Variants in APH1B observed in about 807,000 individuals in gnomAD.
The protein encoded by APH1B is aph-1B gamma-secretase subunit.
A neutral mutation model predicts 28.2 loss-of-function variants in APH1B; 27 were observed. That is an observed-to-expected ratio of 0.96 (90% CI 0.70 to 1.32). The LOEUF (loss-of-function observed/expected upper bound fraction) is 1.32. Among genes scored for constraint, APH1B ranks in the 40% most tolerant of loss-of-function variants. The probability of loss-of-function intolerance (pLI) is 0.00; values close to 1 mark genes in which losing one functional copy is unlikely to be tolerated. For missense variants in APH1B, 305 were observed against 313.6 expected, an observed-to-expected ratio of 0.97 and a Z score of 0.21; for synonymous variants, 141 against 124.6, an observed-to-expected ratio of 1.13 and a Z score of -0.88.
chr15:63,298,054 C>T (rs1177290210), intron 4 of APH1B, among the ~76,000 whole-genome samples: 1 of 152,178 alleles, frequency 6.6e-6, no homozygotes. Flanking sequence ...GTAATAGTCC[C>T]AGTGGCTAGA....
At chr15:63,296,095 A>G (rs2038564082) in intron 4 of APH1B, among the ~76,000 whole-genome samples, 1 of 152,238 alleles carries the variant, frequency 6.6e-6, no homozygotes, top group Admixed American at 6.5e-5. Context: ...TAAAACAAAA[A>G]TGTTAAGTTA....
Position 63,302,461 on chromosome 15 carries a change from G to C in APH1B, c.595G>C (p.Val199Leu). The C allele has an allele frequency of 6.2e-7, 1 of 1,613,572 alleles. No individual in the cohort carries two copies. The change falls in exon 5 of 6, where the codon GTG becomes CTG. Residue 199 changes from valine to leucine, a missense_variant. Val to Leu is a conservative substitution (Grantham distance 32). Transcript: ENST00000261879. Reference sequence around the variant, plus strand: ...TATCGTTCTCCTGACCCACCTGCTGGTGTCAGCCCAGGTGAGTGTTGCCGC... The same window carrying C: ...TATCGTTCTCCTGACCCACCTGCTGCTGTCAGCCCAGGTGAGTGTTGCCGC... ...LLIVLLTHLL[V>L]SAQTFISSYY...
Position 63,302,469 on chromosome 15 carries a change from C to G in APH1B, c.603C>G (p.Ala201=). 6.2e-7 allele frequency: 1 copy of G among 1,613,008 alleles called. No individual in the cohort carries two copies. Among genetic ancestry groups the G allele is most frequent in the Non-Finnish European group, 8.5e-7 (1 of 1,179,536 alleles). The part of the protein sequence containing the change: ...IVLLTHLLVS[A]QTFISSYYGI... Reference sequence around the variant, plus strand: ...TCCTGACCCACCTGCTGGTGTCAGCCCAGGTGAGTGTTGCCGCCATGCTCA... The same window carrying G: ...TCCTGACCCACCTGCTGGTGTCAGCGCAGGTGAGTGTTGCCGCCATGCTCA... Residue 201 remains alanine (A), a synonymous_variant, in exon 5 of 6, where the codon GCC becomes GCG. Coordinates refer to ENST00000261879, the MANE Select transcript of APH1B (RefSeq NM_031301.4).
At chr15:63,281,551 A>C (rs1011106248) in intron 2 of APH1B, among the ~76,000 whole-genome samples, 13 of 144,942 alleles carry the variant, frequency 9.0e-5, no homozygotes, top group African/African-American at 1.8e-4. Context: ...AAAAAAAAAA[A>C]CAAAAAAAAA....
intron 1 of APH1B, 137 bp downstream of exon 1, chr15:63,277,873 C>A: frequency 1.2e-6 from 1 of 847,500 alleles, no homozygotes; most frequent in Non-Finnish European, 1.8e-6. Flanking sequence ...AGGGGGAGAG[C>A]GGAGATCCGG....
intron 4 of APH1B, among the ~76,000 whole-genome samples, chr15:63,299,342 T>C (rs7179115): frequency 0.045 from 6,909 of 152,264 alleles, 509 homozygotes; most frequent in African/African-American, 0.16. Context: ...CTCACAGTAA[T>C]GCTCTTTTGG....
chr15:63,287,185 T>G, intron 3 of APH1B: 1 of 427,618 alleles, frequency 2.3e-6, no homozygotes, highest in Non-Finnish European at 4.2e-6. Context: ...TCTAGACCCT[T>G]TTCTCCCCTT....
chr15:63,298,453 C>T (rs765809096), intron 4 of APH1B, among the ~76,000 whole-genome samples: 33 of 152,254 alleles, frequency 2.2e-4, no homozygotes, highest in Admixed American at 9.2e-4. Context: ...TCAAGTGGTC[C>T]ACCCACCTCA....
intron 5 of APH1B, among the ~76,000 whole-genome samples, 159 bp from the exon 6 acceptor site, chr15:63,305,455 C>T (rs997234916): frequency 6.6e-6 from 1 of 152,212 alleles, no homozygotes; most frequent in African/African-American, 2.4e-5. Context: ...CAGCTTAGTT[C>T]TACATGCCTC....
Position 63,302,496 on chromosome 15 carries a change from A to T in APH1B, c.606+24A>T, listed in dbSNP as rs752744073. 8.7e-6 allele frequency: 14 copies of T among 1,608,030 alleles called. No homozygotes were observed. In the South Asian group the frequency reaches 1.1e-4, roughly 13 times the overall value. On this transcript the variant is annotated intron_variant, in intron 5 of 5. Coordinates refer to ENST00000261879, the MANE Select transcript of APH1B (RefSeq NM_031301.4). ...AGGTGAGTGTTGCCGCCATGCTCAG[A>T]CTGTATTCTGGAACTCAAGTCTATG...
chr15:63,287,517 G>A lies in APH1B; in HGVS notation c.449G>A (p.Gly150Glu), dbSNP rs2038460561. The A allele has an allele frequency of 1.2e-6, 2 of 1,613,928 alleles. No individual in the cohort carries two copies. The highest frequency in any genetic ancestry group is 1.7e-6 in the Non-Finnish European group (2 of 1,179,838). The part of the protein sequence containing the change: ...SLGPGTVGIH[G>E]DSPQFFLYSA... ...GGGCCAGGCACAGTGGGCATTCATG[G>A]AGATTCTCCTCAATTCTTCCTTTAT... Residue 150 changes from glycine (G) to glutamate (E), a missense_variant, in exon 4 of 6, where the codon GGA (glycine) becomes GAA (glutamate). Physicochemically the swap from Gly to Glu is moderately conservative, Grantham distance 98 (BLOSUM62 -2). Transcript: ENST00000261879.
At position 63,305,990 on chromosome 15, in the gene APH1B, A is replaced by T. The variant is rs2038684294; in HGVS notation, c.*209A>T. On this transcript the variant is annotated 3_prime_UTR_variant, in exon 6 of 6. Coordinates refer to ENST00000261879, the MANE Select transcript of APH1B (RefSeq NM_031301.4). ...CCTGGCTGCACGAGAATCACCTGGG[A>T]CAGTGTAAAGCCGACTGATTCTGGG... 5 of 616,046 alleles carry T rather than the reference A, an allele frequency of 8.1e-6. No individual in the cohort carries two copies. Among genetic ancestry groups the T allele is most frequent in the Middle Eastern group, 4.7e-4 (1 of 2,148 alleles). 38.2% of individuals were successfully genotyped at this position (616,046 alleles called of 1,614,324 possible).
chr15:63,306,004 A>T lies in APH1B; in HGVS notation c.*223A>T. The T allele has an allele frequency of 1.9e-6, 1 of 520,838 alleles. No homozygotes were observed. The highest frequency in any genetic ancestry group is 2.4e-5 in the South Asian group (1 of 41,564). The allele number at this position is 520,838 out of a possible 1,614,324, so 32.3% of individuals were successfully genotyped here. A position where few individuals can be genotyped will look rare whatever the true frequency, so the allele number is the denominator to read the frequency against. On this transcript the variant is annotated 3_prime_UTR_variant, in exon 6 of 6. Coordinates refer to ENST00000261879, the MANE Select transcript of APH1B (RefSeq NM_031301.4). ...AATCACCTGGGACAGTGTAAAGCCG[A>T]CTGATTCTGGGCTCCACCTTCCAGA...
chr15:63,281,547 A>C (rs865927440), intron 2 of APH1B, among the ~76,000 whole-genome samples: 10 of 151,930 alleles, frequency 6.6e-5, no homozygotes, highest in South Asian at 2.1e-4. Flanking sequence ...AAAAAAAAAA[A>C]AAAACAAAAA....
chr15:63,299,150 G>A (rs2038598232), intron 4 of APH1B, among the ~76,000 whole-genome samples: 1 of 152,142 alleles, frequency 6.6e-6, no homozygotes, highest in Non-Finnish European at 1.5e-5. Context: ...TAGAGAACAT[G>A]GTGTCAAGGT....
rs1484075074 is a variant in APH1B at position 63,307,790 on chromosome 15, G to A, written c.*2009G>A. On this transcript the variant is annotated 3_prime_UTR_variant, in exon 6 of 6. Transcript: ENST00000261879. ...TGAGCTTTGAGGATGTTCTCTGTAC[G>A]CCGATGGTTTCATATTAACTAAAAA... 2.0e-5 allele frequency: 3 copies of A among 152,172 alleles called. No homozygotes were observed. Among genetic ancestry groups the A allele is most frequent in the Non-Finnish European group, 2.9e-5 (2 of 68,042 alleles). The allele number at this position is 152,172 out of a possible 1,614,324, so 9.4% of individuals were successfully genotyped here. A position where few individuals can be genotyped will look rare whatever the true frequency, so the allele number is the denominator to read the frequency against.
intron 4 of APH1B, among the ~76,000 whole-genome samples, chr15:63,301,353 T>C (rs1272445079): frequency 6.6e-6 from 1 of 152,224 alleles, no homozygotes; most frequent in Non-Finnish European, 1.5e-5. Flanking sequence ...TTTCTTATTA[T>C]GTGGCTGAAA....
At chr15:63,292,685 C>A (rs1352082825) in intron 4 of APH1B, among the ~76,000 whole-genome samples, 17 of 152,248 alleles carry the variant, frequency 1.1e-4, no homozygotes, top group Admixed American at 1.0e-3. Flanking sequence ...GCCACCACGC[C>A]TGGCTTGTTT....
At chr15:63,288,711 A>G (rs1043475137) in intron 4 of APH1B, among the ~76,000 whole-genome samples, 4 of 152,252 alleles carry the variant, frequency 2.6e-5, no homozygotes, top group Non-Finnish European at 5.9e-5. Flanking sequence ...TGCTTCCAAC[A>G]TAGCAAATTA....
Sources: allele counts gnomAD v4.1 joint callset (sites outside exome capture counted in the v4.1 genomes callset), GRCh38; gene constraint gnomAD v4.1.1; transcripts MANE v1.5; gene names NCBI Gene and HGNC (gene_info 2026-07-23, HGNC 2026-07-21).